The following GPAT3 variants were observed in gnomAD, a reference collection of about 807,000 sequenced individuals.
GPAT3 encodes 1-AGP acyltransferase 9.
GPAT3 carries 53 observed loss-of-function variants against 58.8 expected under a neutral mutation model. The ratio of observed to expected loss-of-function variants is 0.90; its 90% CI spans 0.72 to 1.13. The LOEUF (loss-of-function observed/expected upper bound fraction) is 1.13. GPAT3 is among the 50% of genes most tolerant of loss of function. The probability of loss-of-function intolerance (pLI) is 0.00; values close to 1 mark genes in which losing one functional copy is unlikely to be tolerated. For synonymous variants in GPAT3, 197 were observed against 187.4 expected, an observed-to-expected ratio of 1.05 and a Z score of -0.42; for missense variants, 511 against 527.6, an observed-to-expected ratio of 0.97 and a Z score of 0.31.
chr4:83,558,452 C>G (rs1369101310), intron 2 of GPAT3, among the ~76,000 whole-genome samples: 1 of 152,156 alleles, frequency 6.6e-6, no homozygotes, highest in Non-Finnish European at 1.5e-5. Context: ...CCAGCACATT[C>G]AACCACACAG....
Position 83,540,692 on chromosome 4 carries a change from A to G in GPAT3, c.142-3844A>G, listed in dbSNP as rs189426446. ...CCCTGTTTTATTTTTATTTTATTTTATTTCTTTTTGTGAGACAGAGCCTCG... is the reference window on the plus strand; with the variant it reads ...CCCTGTTTTATTTTTATTTTATTTTGTTTCTTTTTGTGAGACAGAGCCTCG... On this transcript the variant is annotated intron_variant, in intron 1 of 11. Coordinates refer to ENST00000264409, the MANE Select transcript of GPAT3 (RefSeq NM_032717.5). Among the ~76,000 whole-genome samples, 652 of 151,594 alleles carry G rather than the reference A, an allele frequency of 4.3e-3. 3 individuals carry two copies. Among genetic ancestry groups the G allele is most frequent in the Non-Finnish European group, 7.4e-3 (499 of 67,870 alleles).
At chr4:83,602,564 A>G (rs1018881154) in intron 11 of GPAT3, among the ~76,000 whole-genome samples, 1 of 151,648 alleles carries the variant, frequency 6.6e-6, no homozygotes, top group East Asian at 1.9e-4. Flanking sequence ...CTTAAGAACT[A>G]AGACCTGCTG....
chr4:83,578,490 A>G (rs1725900972), intron 2 of GPAT3, among the ~76,000 whole-genome samples: 1 of 152,192 alleles, frequency 6.6e-6, no homozygotes, highest in South Asian at 2.1e-4. Flanking sequence ...CTCTTGGCTC[A>G]GTCAAATAAT....
Position 83,598,744 on chromosome 4 carries a change from A to G in GPAT3, c.1205+21A>G, listed in dbSNP as rs201725286. The G allele has an allele frequency of 2.4e-5, 15 of 630,992 alleles. No individual in the cohort carries two copies. In the African/African-American group the frequency reaches 3.4e-4, roughly 14 times the overall value. 39.1% of individuals were successfully genotyped at this position (630,992 alleles called of 1,614,324 possible). A position where few individuals can be genotyped will look rare whatever the true frequency, so the allele number is the denominator to read the frequency against. On this transcript the variant is annotated intron_variant, in intron 11 of 11. Coordinates refer to ENST00000264409, the MANE Select transcript of GPAT3 (RefSeq NM_032717.5). The stretch of plus-strand genomic sequence containing the variant: ...CCCTGGTAAGAGAACTTTCAGAAGT[A>G]CTATCACTTTTTTTTTTTTTTTTTT...
intron 11 of GPAT3, 125 bp from the exon 12 acceptor site, chr4:83,604,543 T>C (rs1402417026): frequency 1.4e-5 from 9 of 655,256 alleles, no homozygotes; most frequent in Non-Finnish European, 1.7e-5. Flanking sequence ...AAATCCAGTG[T>C]TCTTTCCCTT....
intron 1 of GPAT3, among the ~76,000 whole-genome samples, chr4:83,540,452 T>C (rs1295316582): frequency 2.0e-5 from 3 of 152,146 alleles, no homozygotes; most frequent in Admixed American, 1.3e-4. Context: ...ATTCTGTCTT[T>C]GTATTTGGGT....
chr4:83,553,378 A>G (rs547316433), intron 2 of GPAT3, among the ~76,000 whole-genome samples: 2 of 152,194 alleles, frequency 1.3e-5, no homozygotes, highest in East Asian at 3.8e-4. Context: ...TTCGAATAGT[A>G]GTAACAACGT....
chr4:83,603,122 CA>C (rs1727120713), intron 11 of GPAT3, among the ~76,000 whole-genome samples: 1 of 152,182 alleles, frequency 6.6e-6, no homozygotes, highest in African/African-American at 2.4e-5. Context: ...GGTAAACATG[CA>C]TGCTTAACTG....
At chr4:83,582,637 C>T (rs1726188468) in intron 3 of GPAT3, among the ~76,000 whole-genome samples, 1 of 152,202 alleles carries the variant, frequency 6.6e-6, no homozygotes, top group Non-Finnish European at 1.5e-5. Flanking sequence ...TGGCTACCTG[C>T]CAACTAAACT....
At chr4:83,566,696 G>T (rs1158476999) in intron 2 of GPAT3, among the ~76,000 whole-genome samples, 1 of 151,112 alleles carries the variant, frequency 6.6e-6, no homozygotes, top group African/African-American at 2.4e-5. Context: ...ATTGAGGAAG[G>T]TTTGACATTA....
intron 10 of GPAT3, 78 bp from the exon 11 acceptor site, chr4:83,598,565 CA>C: frequency 8.6e-7 from 1 of 1,169,492 alleles, no homozygotes. Flanking sequence ...TATTTTAAAA[CA>C]AATACAAATG....
chr4:83,597,004 T>G (rs961065021), intron 8 of GPAT3, 91 bp downstream of exon 8: 4 of 1,145,988 alleles, frequency 3.5e-6, no homozygotes, highest in Non-Finnish European at 5.1e-6. Context: ...ATTGGCAACC[T>G]TAGCCCAGAT....
chr4:83,546,291 T>C (rs909374060), intron 2 of GPAT3, among the ~76,000 whole-genome samples: 1 of 151,500 alleles, frequency 6.6e-6, no homozygotes, highest in Non-Finnish European at 1.5e-5. Context: ...GGCCCAGCCA[T>C]GAGTTTTAAA....
intron 5 of GPAT3, among the ~76,000 whole-genome samples, chr4:83,589,491 A>G (rs572554349): frequency 1.6e-4 from 24 of 152,300 alleles, no homozygotes; most frequent in African/African-American, 5.8e-4. Context: ...TGTGACAAGC[A>G]TTGTCTGGCT....
intron 2 of GPAT3, among the ~76,000 whole-genome samples, chr4:83,566,799 T>C (rs1725410383): frequency 1.3e-5 from 2 of 151,818 alleles, no homozygotes; most frequent in African/African-American, 4.8e-5. Flanking sequence ...TTTTCTTTTT[T>C]TTTTTTCCCC....
chr4:83,568,510 CT>C (rs149388912), intron 2 of GPAT3, among the ~76,000 whole-genome samples: 7,287 of 141,608 alleles, frequency 0.051, 525 homozygotes, highest in African/African-American at 0.17. Context: ...TTTGTATTCA[CT>C]TTTTTTTTTT....
At chr4:83,583,667 G>GAAAAAAAA (rs749976752) in intron 3 of GPAT3, among the ~76,000 whole-genome samples, 7 of 23,472 alleles carry the variant, frequency 3.0e-4, no homozygotes, top group African/African-American at 1.1e-3. Flanking sequence ...ACTCTTGTCT[G>GAAAAAAAA]AAAAAAAAAA....
Position 83,597,447 on chromosome 4 carries a change from AC to A in GPAT3, c.929del (p.Thr310IlefsTer4), listed in dbSNP as rs1478095506. On this transcript the variant is annotated frameshift_variant, in exon 9 of 12. Transcript: ENST00000264409. LOFTEE classifies it high-confidence loss of function. ...IFPEGTCINN[T>X]SVMMFKKGSF... ...CCTTGCAGGAACTTGCATCAACAAT[AC>A]TTCAGTCATGATGTTTAAAAAGGGG... is the stretch of plus-strand genomic sequence containing the variant. The A allele has an allele frequency of 3.8e-6, 6 of 1,561,494 alleles. No individual in the cohort carries two copies. Among genetic ancestry groups the A allele is most frequent in the Non-Finnish European group, 5.2e-6 (6 of 1,152,986 alleles).
intron 5 of GPAT3, among the ~76,000 whole-genome samples, chr4:83,589,016 A>G (rs1280027867): frequency 6.6e-6 from 1 of 152,208 alleles, no homozygotes; most frequent in Non-Finnish European, 1.5e-5. Flanking sequence ...GTAGAAGGGA[A>G]ACATTTTGCC....
Sources: gnomAD v4.1 joint callset for allele counts (sites outside exome capture counted in the v4.1 genomes callset) on GRCh38, gnomAD v4.1.1 for gene constraint, MANE v1.5 for transcripts, NCBI Gene and HGNC (gene_info 2026-07-23, HGNC 2026-07-21) for gene names.